CELF2: variants seen among roughly 807,000 people sequenced by gnomAD.
CELF2 encodes CUG triplet repeat RNA-binding protein 2.
In CELF2, 8 loss-of-function variants were observed where a neutral mutation model predicts 62.6. That is an observed-to-expected ratio of 0.13 (90% CI 0.07 to 0.23). The LOEUF (loss-of-function observed/expected upper bound fraction) is 0.23, where lower values mean the gene tolerates loss of function less well. Among genes scored for constraint, CELF2 ranks in the 10% least tolerant of loss-of-function variants. The pLI, the probability that CELF2 is intolerant of heterozygous loss-of-function variation, is 1.00. For missense variants in CELF2, 333 were observed against 671.0 expected (o/e 0.50, Z 5.56); for synonymous variants, 258 against 250.0 (o/e 1.03, Z -0.30).
intron 1 of CELF2, among the ~76,000 whole-genome samples, chr10:11,162,347 G>A (rs2065915580): frequency 6.6e-6 from 1 of 152,206 alleles, no homozygotes; most frequent in Admixed American, 6.5e-5. Context: ...CAGGAAGGTG[G>A]GGGGTGGTGA....
Position 11,297,111 on chromosome 10 carries a change from A to G in CELF2, c.976+8559A>G, listed in dbSNP as rs545612649. Among the ~76,000 whole-genome samples, 12 of 152,328 alleles carry G rather than the reference A, an allele frequency of 7.9e-5. No homozygotes were observed. Among genetic ancestry groups the G allele is most frequent in the African/African-American group, 2.9e-4 (12 of 41,580 alleles). On this transcript the variant is annotated intron_variant, in intron 9 of 12. Coordinates refer to ENST00000633077, the MANE Select transcript of CELF2 (RefSeq NM_001326342.2). This position sits in a 1 kb window ranked among gnomAD's most constrained non-coding sequence, Gnocchi z 4.4. ...GAGGGAGAACAAAAGGAAAGGAGGA[A>G]AAATGATATGGTGTGTTGGGCCTGG... is the stretch of plus-strand genomic sequence containing the variant.
At chr10:10,862,417 GAACTC>G (rs1373628717) in intron 1 of CELF2, among the ~76,000 whole-genome samples, 1 of 152,106 alleles carries the variant, frequency 6.6e-6, no homozygotes, top group Non-Finnish European at 1.5e-5. Flanking sequence ...TTGTCATCTG[GAACTC>G]ATTTGGGCTG....
upstream of CELF2, among the ~76,000 whole-genome samples, chr10:11,013,832 G>A (rs367569176): frequency 1.4e-3 from 207 of 152,302 alleles, 2 homozygotes; most frequent in African/African-American, 4.7e-3. The surrounding 1 kb of genome is among the most constrained non-coding windows in gnomAD (Gnocchi z 4.1). Flanking sequence ...TGTCATTACG[G>A]AACCAAGAAG....
rs944145879 is a variant in CELF2, at chr10:10,961,473, G to A, written c.89+41474G>A. ...TAAAAAATGTTTGTAGGCCAGGTGC[G>A]GTGGCTTACATGCCTGTAATCCCAG... On this transcript the variant is annotated intron_variant, in intron 2 of 13. Transcript: ENST00000636488. Among the ~76,000 whole-genome samples, 17 of 152,244 alleles carry A rather than the reference G, an allele frequency of 1.1e-4. No homozygotes were observed. The South Asian group carries it at 1.9e-3, about 17-fold the overall frequency.
chr10:10,500,397 G>A, the CELF2 span, among the ~76,000 whole-genome samples: 1 of 152,164 alleles, frequency 6.6e-6, no homozygotes, highest in Non-Finnish European at 1.5e-5. Context: ...ATTCTCATGT[G>A]TTGTTGGAGG....
At chr10:10,586,243 A>G in the CELF2 span, among the ~76,000 whole-genome samples, 2 of 152,128 alleles carry the variant, frequency 1.3e-5, no homozygotes, top group Non-Finnish European at 2.9e-5. Context: ...ATAGGTTTCT[A>G]TTCTCAAAAT....
chr10:10,824,590 T>C (rs541737384), intron 1 of CELF2, among the ~76,000 whole-genome samples: 2 of 152,366 alleles, frequency 1.3e-5, no homozygotes, highest in South Asian at 2.1e-4. Context: ...ATTCTCTAAC[T>C]GGAGCTTTAA....
At chr10:10,645,962 T>A in the CELF2 span, among the ~76,000 whole-genome samples, 1 of 152,228 alleles carries the variant, frequency 6.6e-6, no homozygotes, top group Non-Finnish European at 1.5e-5. Flanking sequence ...TTCCTGTGGC[T>A]TCAGTTTACT....
At chr10:11,284,509 G>C (rs1327946961) in intron 8 of CELF2, among the ~76,000 whole-genome samples, 6 of 150,032 alleles carry the variant, frequency 4.0e-5, no homozygotes, top group Non-Finnish European at 4.4e-5. Flanking sequence ...TGGGGGATGA[G>C]GGATGAGTGT....
At chr10:11,087,713 C>T (rs1231669638) in intron 1 of CELF2, among the ~76,000 whole-genome samples, 1 of 152,198 alleles carries the variant, frequency 6.6e-6, no homozygotes, top group Non-Finnish European at 1.5e-5. Flanking sequence ...CGTCTTATAA[C>T]ACACGCCTTT....
chr10:10,515,011 T>G, the CELF2 span, among the ~76,000 whole-genome samples: 1 of 152,188 alleles, frequency 6.6e-6, no homozygotes, highest in South Asian at 2.1e-4. Context: ...TATAACAGGT[T>G]ATGTAAATGC....
intron 1 of CELF2, among the ~76,000 whole-genome samples, chr10:10,881,390 A>C (rs1275907163): frequency 3.9e-5 from 6 of 152,216 alleles, no homozygotes; most frequent in Non-Finnish European, 7.3e-5. Context: ...ATAAATTTTT[A>C]ACTTCATTTT....
At chr10:10,758,029 G>C in the CELF2 span, among the ~76,000 whole-genome samples, 4 of 152,300 alleles carry the variant, frequency 2.6e-5, no homozygotes, top group South Asian at 8.3e-4. Context: ...GTTAGCAGCT[G>C]AATGATATTG....
At chr10:10,815,214 T>G (rs1245937014) in intron 1 of CELF2, among the ~76,000 whole-genome samples, 1 of 152,208 alleles carries the variant, frequency 6.6e-6, no homozygotes, top group Admixed American at 6.5e-5. Flanking sequence ...TCCCAGGGTG[T>G]CACTGATGTG....
At chr10:11,325,432 G>A (rs944157317) in intron 11 of CELF2, among the ~76,000 whole-genome samples, 1 of 152,230 alleles carries the variant, frequency 6.6e-6, no homozygotes, top group Non-Finnish European at 1.5e-5. Flanking sequence ...TTTTTAGAAT[G>A]CACAGAGCAC....
the CELF2 span, among the ~76,000 whole-genome samples, chr10:10,554,821 A>G: frequency 4.5e-3 from 687 of 152,318 alleles, 10 homozygotes; most frequent in African/African-American, 0.011. Flanking sequence ...CACCCCTTCC[A>G]ACCACATTGC....
rs1416377664 is a variant in CELF2, at chr10:10,823,504, G to C, written c.53+24687G>C. The stretch of plus-strand genomic sequence containing the variant: ...GCATACAATGCTTTCTAAACTGTAG[G>C]TGACAGAAATAACATAAGGGCTTTT... On this transcript the variant is annotated intron_variant, in intron 1 of 13. Transcript: ENST00000636488. Among the ~76,000 whole-genome samples, 16 of 152,214 alleles carry C rather than the reference G, an allele frequency of 1.1e-4. No homozygotes were observed. In the East Asian group the frequency reaches 2.9e-3, roughly 28 times the overall value.
At chr10:10,697,248 AGCAT>A in the CELF2 span, among the ~76,000 whole-genome samples, 21 of 152,174 alleles carry the variant, frequency 1.4e-4, no homozygotes, top group Non-Finnish European at 2.6e-4. Context: ...GGGAATTGCC[AGCAT>A]GGTAGTGGTT....
the CELF2 span, among the ~76,000 whole-genome samples, chr10:10,647,995 T>A: frequency 1.3e-5 from 2 of 152,278 alleles, no homozygotes; most frequent in Non-Finnish European, 2.9e-5. Flanking sequence ...AGTGATAGAG[T>A]TAGGATTCAA....
Sources: allele counts gnomAD v4.1 joint callset (sites outside exome capture counted in the v4.1 genomes callset), GRCh38; gene constraint gnomAD v4.1.1; non-coding constraint Gnocchi (gnomAD v3.1); transcripts MANE v1.5; gene names NCBI Gene and HGNC (gene_info 2026-07-23, HGNC 2026-07-21).